Variants in GYPE observed in about 807,000 individuals in gnomAD.
GYPE encodes the protein glycophorin E (MNS blood group), also known as glycophorin-E.
Under a neutral mutation model 11.6 loss-of-function variants are expected in GYPE, and 8 were observed. That is an observed-to-expected ratio of 0.69 (90% confidence interval 0.41 to 1.25). GYPE has a LOEUF of 1.25. Ranked by LOEUF, GYPE falls within the 50% of genes most tolerant of loss-of-function variation. The probability of loss-of-function intolerance (pLI) is 0.01; values close to 1 mark genes in which losing one functional copy is unlikely to be tolerated. For synonymous variants in GYPE, 28 were observed against 29.6 expected (o/e 0.94, Z 0.18); for missense variants, 90 against 92.8 (o/e 0.97, Z 0.12).
At chr4:143,902,735 C>A (rs960352188) in intron 1 of GYPE, among the ~76,000 whole-genome samples, 10 of 151,920 alleles carry the variant, frequency 6.6e-5, no homozygotes, top group African/African-American at 1.9e-4. Flanking sequence ...TGGGGATACA[C>A]GGCTGAATAA....
intron 1 of GYPE, among the ~76,000 whole-genome samples, chr4:143,898,807 T>C (rs1178183292): frequency 2.0e-5 from 3 of 152,184 alleles, no homozygotes; most frequent in African/African-American, 4.8e-5. Context: ...TATTTCCTGA[T>C]ACAATGTTTC....
At chr4:143,895,203 A>C (rs1744577206) in intron 1 of GYPE, among the ~76,000 whole-genome samples, 1 of 152,206 alleles carries the variant, frequency 6.6e-6, no homozygotes, top group South Asian at 2.1e-4. Context: ...TTAGGAAAAG[A>C]GGAAGTCAAA....
chr4:143,894,351 G>T (rs1744541864), intron 1 of GYPE, among the ~76,000 whole-genome samples: 1 of 152,152 alleles, frequency 6.6e-6, no homozygotes, highest in Non-Finnish European at 1.5e-5. Context: ...CGTTGCTCGA[G>T]AGGAACTGTG....
At chr4:143,875,347 G>A in intron 3 of GYPE, 1 of 853,072 alleles carries the variant, frequency 1.2e-6, no homozygotes, top group East Asian at 2.7e-5. Flanking sequence ...TTATTTAGAA[G>A]TAGAGAATAC....
chr4:143,871,623 A>G lies in GYPE; in HGVS notation c.*639T>C, dbSNP rs1743624240. ...GTAAATCCCACTTCACCTAATGAAG[A>G]AAAGGAGAAGGATGCACTTCATTCT... On this transcript the variant is annotated 3_prime_UTR_variant, in exon 4 of 4. Transcript: ENST00000358615. 1 of 152,172 alleles carries G rather than the reference A, an allele frequency of 6.6e-6. No homozygotes were observed. Among genetic ancestry groups the G allele is most frequent in the African/African-American group, 2.4e-5 (1 of 41,436 alleles). The allele number at this position is 152,172 out of a possible 1,614,324, so 9.4% of individuals were successfully genotyped here.
chr4:143,883,489 TAAC>T (rs35676175), intron 1 of GYPE, among the ~76,000 whole-genome samples: 12,860 of 102,444 alleles, frequency 0.13, 5,227 homozygotes, highest in Middle Eastern at 0.24. Flanking sequence ...TAATTAATAA[TAAC>T]ATGTAATTAA....
At chr4:143,877,779 G>A (rs1197185720) in intron 2 of GYPE, among the ~76,000 whole-genome samples, 3 of 149,628 alleles carry the variant, frequency 2.0e-5, no homozygotes, top group Non-Finnish European at 4.4e-5. Flanking sequence ...GGCCAAGTGT[G>A]AAGGGAGGGT....
chr4:143,878,155 A>G (rs1295364647), intron 2 of GYPE, among the ~76,000 whole-genome samples: 3 of 152,064 alleles, frequency 2.0e-5, no homozygotes, highest in African/African-American at 7.2e-5. Context: ...TGTTTTTGAG[A>G]CATGGTCTTA....
At chr4:143,891,919 G>A (rs888247578) in intron 1 of GYPE, among the ~76,000 whole-genome samples, 5 of 152,056 alleles carry the variant, frequency 3.3e-5, no homozygotes, top group Admixed American at 6.5e-5. Flanking sequence ...GGTAGAATTC[G>A]GCTGTGAATC....
At chr4:143,881,960 C>T (rs912683680) in intron 1 of GYPE, among the ~76,000 whole-genome samples, 1 of 152,160 alleles carries the variant, frequency 6.6e-6, no homozygotes, top group Non-Finnish European at 1.5e-5. Flanking sequence ...TGACACCTCT[C>T]ATTAGTCTAC....
At chr4:143,901,461 A>T (rs1259431943) in intron 1 of GYPE, among the ~76,000 whole-genome samples, 1 of 67,376 alleles carries the variant, frequency 1.5e-5, no homozygotes, top group African/African-American at 4.1e-5. Context: ...ACACTCAGAG[A>T]TACACCCGGA....
rs1744908994 is a variant in GYPE, at chr4:143,902,591, T to G, written c.37+2880A>C. Among the ~76,000 whole-genome samples, 3 of 152,056 alleles carry G rather than the reference T, an allele frequency of 2.0e-5. No individual in the cohort carries two copies. The South Asian group carries it at 6.2e-4, about 32-fold the overall frequency. ...CTCTCTCTCTCCATCCTCTCTTCTTTCCTTCCTTTTTCCTTTTCCTTCTTC... is the reference window on the plus strand; with the variant it reads ...CTCTCTCTCTCCATCCTCTCTTCTTGCCTTCCTTTTTCCTTTTCCTTCTTC... On this transcript the variant is annotated intron_variant, in intron 1 of 3. Coordinates refer to ENST00000358615, the MANE Select transcript of GYPE (RefSeq NM_198682.3).
intron 2 of GYPE, among the ~76,000 whole-genome samples, chr4:143,877,718 G>A (rs1235034065): frequency 6.6e-6 from 1 of 151,624 alleles, no homozygotes; most frequent in South Asian, 2.1e-4. Flanking sequence ...GAATGTATGC[G>A]ATAGTGATGA....
At chr4:143,899,274 C>T (rs1284842212) in intron 1 of GYPE, among the ~76,000 whole-genome samples, 4 of 151,704 alleles carry the variant, frequency 2.6e-5, no homozygotes, top group African/African-American at 9.7e-5. Context: ...ATAACATATT[C>T]TCCAAGTGCA....
At chr4:143,879,321 T>A (rs2149905722) in intron 2 of GYPE, among the ~76,000 whole-genome samples, 1 of 152,308 alleles carries the variant, frequency 6.6e-6, no homozygotes, top group East Asian at 1.9e-4. Context: ...GCCACACAAT[T>A]TTCTAGAGTT....
chr4:143,873,438 G>T (rs1242361205), intron 3 of GYPE: 2 of 455,686 alleles, frequency 4.4e-6, no homozygotes, highest in Admixed American at 4.7e-5. Flanking sequence ...TCCTTTATTT[G>T]CTTTTGTCAG....
At chr4:143,888,100 G>T (rs1445429878) in intron 1 of GYPE, among the ~76,000 whole-genome samples, 2 of 86,398 alleles carry the variant, frequency 2.3e-5, no homozygotes, top group African/African-American at 8.1e-5. Context: ...TACCATGGAG[G>T]TGGGGTGACT....
chr4:143,904,940 C>T (rs1745004902), intron 1 of GYPE, among the ~76,000 whole-genome samples: 1 of 151,930 alleles, frequency 6.6e-6, no homozygotes, highest in African/African-American at 2.4e-5. Flanking sequence ...GACATCTAAG[C>T]CAGTAAGAGT....
intron 1 of GYPE, among the ~76,000 whole-genome samples, chr4:143,891,329 CT>C (rs747618657): frequency 0.029 from 3,458 of 117,764 alleles, 117 homozygotes; most frequent in African/African-American, 0.09. Flanking sequence ...TTTTTTGTTT[CT>C]TTTTTTTTTT....
Sources: allele counts gnomAD v4.1 joint callset (sites outside exome capture counted in the v4.1 genomes callset), GRCh38; gene constraint gnomAD v4.1.1; transcripts MANE v1.5; gene names NCBI Gene and HGNC (gene_info 2026-07-23, HGNC 2026-07-21).